The following PLEKHH2 variants were observed in gnomAD, a reference collection of about 807,000 sequenced individuals.
PLEKHH2 encodes pleckstrin homology domain-containing family H member 2.
Under a neutral mutation model 187.9 loss-of-function variants are expected in PLEKHH2, and 129 were observed. That is an observed-to-expected ratio of 0.69 (90% confidence interval 0.59 to 0.79). The LOEUF (loss-of-function observed/expected upper bound fraction) is 0.79. Ranked by LOEUF, PLEKHH2 falls within the 30% of genes least tolerant of loss-of-function variation. The pLI, the probability that PLEKHH2 is intolerant of heterozygous loss-of-function variation, is 0.00. For missense variants in PLEKHH2, 2,076 were observed against 1,751.2 expected, an observed-to-expected ratio of 1.19 and a Z score of -3.31; for synonymous variants, 686 against 605.6, an observed-to-expected ratio of 1.13 and a Z score of -1.95.
chr2:43,685,606 CTTT>C (rs34341551), intron 3 of PLEKHH2, among the ~76,000 whole-genome samples: 1 of 135,676 alleles, frequency 7.4e-6, no homozygotes, highest in Non-Finnish European at 1.6e-5. Flanking sequence ...GTTTTTTAAC[CTTT>C]TTTTTTTTTT....
chr2:43,731,507 C>A lies in PLEKHH2; in HGVS notation c.2848C>A (p.His950Asn). ...GCATTTAGCCTCTCAGATATGGAGA[C>A]ACCCCACTTTGTGTCACAGTAAAGA... ...DGEPSSQIWR[H>N]PTLCHSKEGI... Residue 950 changes from histidine (H) to asparagine (N), a missense_variant, in exon 19 of 30, where the codon CAC becomes AAC. Coordinates refer to ENST00000282406, the MANE Select transcript of PLEKHH2 (RefSeq NM_172069.4). 6.3e-7 allele frequency: 1 copy of A among 1,597,504 alleles called. No individual in the cohort carries two copies. Among genetic ancestry groups the A allele is most frequent in the Non-Finnish European group, 8.6e-7 (1 of 1,165,584 alleles).
intron 15 of PLEKHH2, among the ~76,000 whole-genome samples, chr2:43,712,919 A>C (rs531161726): frequency 1.3e-5 from 2 of 152,324 alleles, no homozygotes; most frequent in African/African-American, 4.8e-5. Context: ...CGTTTTTACA[A>C]ATTTTGAAAC....
chr2:43,675,847 C>T (rs750900096), intron 2 of PLEKHH2: 16 of 1,613,918 alleles, frequency 9.9e-6, no homozygotes, highest in Non-Finnish European at 1.4e-5. Context: ...GGATGCATCC[C>T]TTGTAAACAA....
rs943766796 is a variant in PLEKHH2 at position 43,717,750 on chromosome 2, T to C, written c.2461-2919T>C. On this transcript the variant is annotated intron_variant, in intron 15 of 29. Coordinates refer to ENST00000282406, the MANE Select transcript of PLEKHH2 (RefSeq NM_172069.4). Reference sequence around the variant, plus strand: ...TACCACCTGTGTGACCTTGAAGAAGTTACTTACAGGCTCTGTGCCTTAGCA... The same window carrying C: ...TACCACCTGTGTGACCTTGAAGAAGCTACTTACAGGCTCTGTGCCTTAGCA... Among the ~76,000 whole-genome samples, 16 of 152,310 alleles carry C rather than the reference T, an allele frequency of 1.1e-4. No individual in the cohort carries two copies. The South Asian group carries it at 3.3e-3, about 32-fold the overall frequency.
At chr2:43,674,040 G>C (rs13009832) in intron 2 of PLEKHH2, among the ~76,000 whole-genome samples, 49,841 of 151,946 alleles carry the variant, frequency 0.33, 8,823 homozygotes, top group Non-Finnish European at 0.4. Flanking sequence ...ATATATGCAT[G>C]GTACTTTAGG....
intron 3 of PLEKHH2, among the ~76,000 whole-genome samples, chr2:43,685,957 C>T (rs918707690): frequency 1.3e-5 from 2 of 152,140 alleles, no homozygotes; most frequent in South Asian, 2.1e-4. Flanking sequence ...GTAGATTATT[C>T]CCCTATAAAA....
chr2:43,721,721 A>G (rs1670489850), intron 16 of PLEKHH2, among the ~76,000 whole-genome samples: 1 of 152,092 alleles, frequency 6.6e-6, no homozygotes, highest in African/African-American at 2.4e-5. Context: ...ACCTGTCTCT[A>G]CAAAAAATTT....
intron 2 of PLEKHH2, chr2:43,675,808 A>G: frequency 6.2e-7 from 1 of 1,613,920 alleles, no homozygotes; most frequent in Non-Finnish European, 8.5e-7. Flanking sequence ...GTCTCCAAAT[A>G]TAACAGTGTG....
chr2:43,691,914 G>A, intron 3 of PLEKHH2, among the ~76,000 whole-genome samples: 1 of 152,114 alleles, frequency 6.6e-6, no homozygotes, highest in East Asian at 1.9e-4. Context: ...ACACTTGACA[G>A]GTTTTCAGTG....
intron 19 of PLEKHH2, among the ~76,000 whole-genome samples, chr2:43,737,894 C>T (rs945512325): frequency 2.6e-5 from 4 of 152,032 alleles, no homozygotes; most frequent in African/African-American, 9.7e-5. Flanking sequence ...AGATTGGCCA[C>T]CACACTTCAC....
chr2:43,673,949 A>C (rs1465757935), intron 2 of PLEKHH2, among the ~76,000 whole-genome samples: 2 of 152,214 alleles, frequency 1.3e-5, no homozygotes, highest in Admixed American at 6.5e-5. Context: ...AGTTGGGAAG[A>C]TAGTACAAGA....
intron 2 of PLEKHH2, among the ~76,000 whole-genome samples, chr2:43,670,578 T>C (rs979236843): frequency 3.3e-5 from 5 of 152,162 alleles, no homozygotes; most frequent in South Asian, 2.1e-4. Flanking sequence ...TTGACTACTA[T>C]TGGCAATTTT....
chr2:43,697,417 A>G (rs1669146143), intron 7 of PLEKHH2, 61 bp downstream of exon 7: 1 of 1,370,708 alleles, frequency 7.3e-7, no homozygotes, highest in Non-Finnish European at 1.0e-6. Context: ...TCATTTGCTA[A>G]GATTAATCCA....
At chr2:43,749,147 G>A (rs1359729233) in intron 24 of PLEKHH2, among the ~76,000 whole-genome samples, 1 of 152,074 alleles carries the variant, frequency 6.6e-6, no homozygotes, top group East Asian at 1.9e-4. Flanking sequence ...AGTGAAATTT[G>A]GATAAAATTT....
intron 1 of PLEKHH2, among the ~76,000 whole-genome samples, chr2:43,644,185 T>C (rs551063031): frequency 6.6e-6 from 1 of 152,242 alleles, no homozygotes; most frequent in Non-Finnish European, 1.5e-5. Context: ...AGCAATTGAA[T>C]CAAACTGTAA....
rs747046122 is a variant in PLEKHH2 at position 43,704,041 on chromosome 2, G to A, written c.1711G>A (p.Glu571Lys). ...TCGAATGTCTGAGGCCTTCAATATG[G>A]AGAGTGTTAATAAAAGTAAGTGCTT... ...GIRMSEAFNM[E>K]SVNKNSAATL... Residue 571 changes from glutamate (E) to lysine (K), a missense_variant, in exon 9 of 30, where the codon GAG (glutamate) becomes AAG (lysine). Physicochemically the swap from Glu to Lys is moderately conservative, Grantham distance 56. Coordinates refer to ENST00000282406, the MANE Select transcript of PLEKHH2 (RefSeq NM_172069.4). 2.5e-6 allele frequency: 4 copies of A among 1,600,380 alleles called. No homozygotes were observed. The highest frequency in any genetic ancestry group is 3.4e-6 in the Non-Finnish European group (4 of 1,169,774).
At chr2:43,751,924 C>G (rs971207257) in intron 24 of PLEKHH2, among the ~76,000 whole-genome samples, 1 of 144,918 alleles carries the variant, frequency 6.9e-6, no homozygotes. Flanking sequence ...CTCTCTCTCT[C>G]TCTTTTTTTT....
At chr2:43,666,819 T>G (rs1198571059) in intron 2 of PLEKHH2, among the ~76,000 whole-genome samples, 1 of 152,228 alleles carries the variant, frequency 6.6e-6, no homozygotes, top group African/African-American at 2.4e-5. Context: ...TATTCTTGAA[T>G]TGTAAAAATT....
intron 4 of PLEKHH2, among the ~76,000 whole-genome samples, chr2:43,692,896 G>A (rs187848884): frequency 1.2e-4 from 18 of 152,210 alleles, no homozygotes; most frequent in Admixed American, 2.6e-4. Context: ...GAGAATGCTC[G>A]TTAATATTCA....
Sources: allele counts gnomAD v4.1 joint callset (sites outside exome capture counted in the v4.1 genomes callset), GRCh38; gene constraint gnomAD v4.1.1; transcripts MANE v1.5; gene names NCBI Gene and HGNC (gene_info 2026-07-23, HGNC 2026-07-21).